The following RASA3 variants were observed in gnomAD, a reference collection of about 807,000 sequenced individuals.
RASA3 encodes RAS p21 protein activator 3.
A neutral mutation model predicts 110.0 loss-of-function variants in RASA3; 73 were observed. The ratio of observed to expected loss-of-function variants is 0.66; its 90% CI spans 0.55 to 0.81. The LOEUF is 0.81. RASA3 is among the 30% of genes least tolerant of loss of function. The pLI is 0.00. For missense variants in RASA3, 976 were observed against 1,113.2 expected (o/e 0.88, Z 1.75); for synonymous variants, 500 against 451.4 (o/e 1.11, Z -1.37).
chr13:114,100,778 T>G (rs1423433379), intron 1 of RASA3, among the ~76,000 whole-genome samples: 1 of 152,034 alleles, frequency 6.6e-6, no homozygotes, highest in African/African-American at 2.4e-5. Flanking sequence ...CGAGAAACAC[T>G]CCAAGGCCCC....
At chr13:114,042,397 G>C (rs1293445819) in intron 3 of RASA3, among the ~76,000 whole-genome samples, 1 of 152,254 alleles carries the variant, frequency 6.6e-6, no homozygotes, top group African/African-American at 2.4e-5. Context: ...TGAAGTCTGA[G>C]CCCATCACAG....
At chr13:114,035,262 A>G (rs1218797183) in intron 4 of RASA3, among the ~76,000 whole-genome samples, 1 of 152,258 alleles carries the variant, frequency 6.6e-6, no homozygotes, top group African/African-American at 2.4e-5. Flanking sequence ...GAAAAGGCAC[A>G]AATTCCCACA....
intron 18 of RASA3, among the ~76,000 whole-genome samples, chr13:114,001,180 TC>T (rs745910429): frequency 4.6e-5 from 7 of 152,224 alleles, no homozygotes; most frequent in Non-Finnish European, 1.0e-4. Context: ...TCTCCAACCC[TC>T]CTGCCTCCCA....
At chr13:114,028,838 T>C (rs2054088864) in intron 5 of RASA3, among the ~76,000 whole-genome samples, 1 of 44,720 alleles carries the variant, frequency 2.2e-5, no homozygotes, top group Admixed American at 2.1e-4. Context: ...GGCATCATCC[T>C]GGGGGCCAGG....
At chr13:114,008,493 G>C (rs1279766883) in intron 17 of RASA3, among the ~76,000 whole-genome samples, 3 of 9,336 alleles carry the variant, frequency 3.2e-4, no homozygotes, top group Admixed American at 1.2e-3. Context: ...CCTGGAGGTT[G>C]CCCCCACGCA....
chr13:114,125,969 C>T (rs113027323), intron 1 of RASA3, among the ~76,000 whole-genome samples: 1 of 45,964 alleles, frequency 2.2e-5, no homozygotes, highest in Non-Finnish European at 4.3e-5. Flanking sequence ...CCAGAGGTAC[C>T]GGCACCTGCT....
chr13:114,106,652 C>T (rs1472538195), intron 1 of RASA3, among the ~76,000 whole-genome samples: 3 of 152,192 alleles, frequency 2.0e-5, no homozygotes, highest in African/African-American at 7.2e-5. Flanking sequence ...AGCATAAGCC[C>T]CTGGCGTGGG....
intron 3 of RASA3, 80 bp from the exon 4 acceptor site, chr13:114,041,174 A>T: frequency 8.5e-7 from 1 of 1,179,648 alleles, no homozygotes; most frequent in Non-Finnish European, 1.3e-6. Context: ...CCAGCCCATC[A>T]TCACCGCAGC....
rs572520103 is a variant in RASA3, at chr13:114,092,506, T to C, written c.56-18669A>G. Among the ~76,000 whole-genome samples the C allele has an allele frequency of 2.0e-5, 3 of 152,192 alleles. No homozygotes were observed. The South Asian group carries it at 6.2e-4, about 31-fold the overall frequency. ...CCTCTTGCTATGGTTTCTAGTTTTT[T>C]TGATTGTGTTGAGAAAAGAGACTTG... On this transcript the variant is annotated intron_variant, in intron 1 of 23. Transcript: ENST00000334062.
chr13:114,024,215 C>T (rs2053984914), intron 8 of RASA3, 64 bp downstream of exon 8: 3 of 1,448,676 alleles, frequency 2.1e-6, no homozygotes, highest in African/African-American at 1.4e-5. Flanking sequence ...TAACAAAGAA[C>T]AAAAGAGCTG....
intron 8 of RASA3, among the ~76,000 whole-genome samples, chr13:114,023,802 C>T (rs983289444): frequency 2.0e-5 from 3 of 152,194 alleles, no homozygotes; most frequent in Admixed American, 1.3e-4. Context: ...AAACATGAAC[C>T]CAGGACGCCA....
At chr13:114,077,579 T>C (rs2001388) in intron 1 of RASA3, among the ~76,000 whole-genome samples, 53,725 of 101,866 alleles carry the variant, frequency 0.53, 14,141 homozygotes, top group African/African-American at 0.67. Flanking sequence ...CTGGCACCAA[T>C]GCACCGGATT....
rs1019285630 is a variant in RASA3, at chr13:114,056,085, G to C, written c.174-3930C>G. Reference sequence around the variant, plus strand: ...CACCTGGCGCGTCACCGTTTCCCGAGAGCCCCCCGCCCCCGCACAGGCACT... The same window carrying C: ...CACCTGGCGCGTCACCGTTTCCCGACAGCCCCCCGCCCCCGCACAGGCACT... On this transcript the variant is annotated intron_variant, in intron 2 of 23. Transcript: ENST00000334062. This position sits in a 1 kb window ranked among gnomAD's most constrained non-coding sequence, Gnocchi z 5.7. Among the ~76,000 whole-genome samples, 3 of 152,156 alleles carry C rather than the reference G, an allele frequency of 2.0e-5. No individual in the cohort carries two copies. The highest frequency in any genetic ancestry group is 2.9e-5 in the Non-Finnish European group (2 of 68,028).
chr13:114,007,792 G>A (rs936762620), intron 17 of RASA3, among the ~76,000 whole-genome samples, 186 bp from the exon 18 acceptor site: 3 of 152,202 alleles, frequency 2.0e-5, no homozygotes, highest in Non-Finnish European at 2.9e-5. Context: ...CCCCAGCCCC[G>A]GCACTGCCAC....
intron 1 of RASA3, among the ~76,000 whole-genome samples, chr13:114,128,049 C>A (rs778978560): frequency 6.6e-6 from 1 of 152,218 alleles, no homozygotes; most frequent in Non-Finnish European, 1.5e-5. Context: ...TTCCCAGGTG[C>A]AGCCAGGCCC....
intron 9 of RASA3, 91 bp from the exon 10 acceptor site, chr13:114,019,010 AC>A: frequency 6.6e-7 from 1 of 1,506,768 alleles, no homozygotes; most frequent in Non-Finnish European, 9.1e-7. Context: ...CTTGAGGTCG[AC>A]TGGTCAGGAG....
In RASA3 at chr13:113,979,057, G is replaced by A. The variant is rs1417237128; in HGVS notation, c.*290C>T. 8.8e-6 allele frequency: 4 copies of A among 456,394 alleles called. No homozygotes were observed. The East Asian group carries it at 1.6e-4, about 18-fold the overall frequency. The allele number at this position is 456,394 out of a possible 1,614,324, so 28.3% of individuals were successfully genotyped here. A position where few individuals can be genotyped will look rare whatever the true frequency, so the allele number is the denominator to read the frequency against. Reference sequence around the variant, plus strand: ...CTGGCTGTGGTGTGGCTAGGGCACAGCCCACACTTCCTGATCCTTCAGCTG... The same window carrying A: ...CTGGCTGTGGTGTGGCTAGGGCACAACCCACACTTCCTGATCCTTCAGCTG... On this transcript the variant is annotated 3_prime_UTR_variant, in exon 24 of 24. Coordinates refer to ENST00000334062, the MANE Select transcript of RASA3 (RefSeq NM_007368.4).
In RASA3 at chr13:113,992,904, G is replaced by A. The variant is rs559386708; in HGVS notation, c.2142-316C>T. ...ATCCTTGCTGTTTAGTATTTAAAAT[G>A]TGCTTATCATTTGTACTAACTGACC... is the stretch of plus-strand genomic sequence containing the variant. On this transcript the variant is annotated intron_variant, in intron 21 of 23. Coordinates refer to ENST00000334062, the MANE Select transcript of RASA3 (RefSeq NM_007368.4). Among the ~76,000 whole-genome samples, 5 of 152,322 alleles carry A rather than the reference G, an allele frequency of 3.3e-5. No homozygotes were observed. In the East Asian group the frequency reaches 9.6e-4, roughly 29 times the overall value.
At chr13:114,100,798 G>A (rs183108236) in intron 1 of RASA3, among the ~76,000 whole-genome samples, 87 of 152,316 alleles carry the variant, frequency 5.7e-4, no homozygotes, top group East Asian at 1.7e-3. Context: ...CAGGGACACC[G>A]GAAGCCGTGG....
Sources: gnomAD v4.1 joint callset for allele counts (sites outside exome capture counted in the v4.1 genomes callset) on GRCh38, gnomAD v4.1.1 for gene constraint, Gnocchi (gnomAD v3.1) non-coding constraint, MANE v1.5 for transcripts, NCBI Gene and HGNC (gene_info 2026-07-23, HGNC 2026-07-21) for gene names.